Variants in BRAT1 observed in about 807,000 individuals in gnomAD.
BRAT1 encodes the protein integrator complex assembly factor BRAT1.
Under a neutral mutation model 70.6 loss-of-function variants are expected in BRAT1, and 74 were observed. That is an observed-to-expected ratio of 1.05 (90% CI 0.87 to 1.27). BRAT1 has a LOEUF of 1.27. Ranked by LOEUF, BRAT1 falls within the 50% of genes most tolerant of loss-of-function variation. The pLI, the probability that BRAT1 is intolerant of heterozygous loss-of-function variation, is 0.00. For synonymous variants in BRAT1, 615 were observed against 517.1 expected, an observed-to-expected ratio of 1.19 and a Z score of -2.57; for missense variants, 1,203 against 1,098.2, an observed-to-expected ratio of 1.10 and a Z score of -1.35.
intron 2 of BRAT1, among the ~76,000 whole-genome samples, chr7:2,553,135 C>T (rs1479251514): frequency 1.3e-5 from 2 of 152,028 alleles, no homozygotes; most frequent in Admixed American, 6.6e-5. Flanking sequence ...TGGGTTCAAG[C>T]GATCCTCCCC....
At position 2,543,622 on chromosome 7, in the gene BRAT1, G is replaced by C; in HGVS notation, c.771C>G (p.His257Gln). 1 of 1,531,108 alleles carries C rather than the reference G, an allele frequency of 6.5e-7. No homozygotes were observed. The highest frequency in any genetic ancestry group is 8.8e-7 in the Non-Finnish European group (1 of 1,135,066). 94.8% of individuals were successfully genotyped at this position (1,531,108 alleles called of 1,614,324 possible). ...LLERDPIPAA[H>Q]SFVDLLLCVA... is the part of the protein sequence containing the mutation. ...CACAGAGAAGCAGGTCCACGAACGA[G>C]TGTGCGGCGGGGATGGGGTCTCTCT... The change falls in exon 5 of 14, where the codon CAC becomes CAG. Residue 257 changes from histidine to glutamine, a missense_variant. Physicochemically the swap from His to Gln is conservative, Grantham distance 24. Coordinates refer to ENST00000340611, the MANE Select transcript of BRAT1 (RefSeq NM_152743.4). The surrounding 1 kb of genome is among the most constrained non-coding windows in gnomAD (Gnocchi z 5.5).
Position 2,538,681 on chromosome 7 carries a change from C to T in BRAT1, c.1854G>A (p.Glu618=). 1 of 1,598,438 alleles carries T rather than the reference C, an allele frequency of 6.3e-7. No homozygotes were observed. Among genetic ancestry groups the T allele is most frequent in the Non-Finnish European group, 8.5e-7 (1 of 1,179,812 alleles). Residue 618 remains glutamate (E), a synonymous_variant, in exon 14 of 14, where the codon GAG becomes GAA. Transcript: ENST00000340611. The part of the protein sequence containing the change: ...PRRAVMQVFT[E]WLRDGHADAA... Reference sequence around the variant, plus strand: ...CGTCGGCGTGGCCGTCCCGCAGCCACTCAGTGAAGACTTGCATGACCGCCC... The same window carrying T: ...CGTCGGCGTGGCCGTCCCGCAGCCATTCAGTGAAGACTTGCATGACCGCCC...
intron 2 of BRAT1, among the ~76,000 whole-genome samples, chr7:2,552,517 G>A (rs1027304533): frequency 6.6e-6 from 1 of 151,260 alleles, no homozygotes; most frequent in East Asian, 1.9e-4. Context: ...CCTGAGCCCA[G>A]GAGATCGAAA....
chr7:2,544,844 T>C lies in BRAT1; in HGVS notation c.430+65A>G, dbSNP rs898587923. On this transcript the variant is annotated intron_variant, in intron 4 of 13. Transcript: ENST00000340611. ...GACCAGACACTCAGATTCAGCAAGG[T>C]GCAGTGAATTCCCTGGGATCACACA... 50 of 1,532,234 alleles carry C rather than the reference T, an allele frequency of 3.3e-5. No homozygotes were observed. In the African/African-American group the frequency reaches 6.6e-4, roughly 20 times the overall value. 94.9% of individuals were successfully genotyped at this position (1,532,234 alleles called of 1,614,324 possible). A position where few individuals can be genotyped will look rare whatever the true frequency, so the allele number is the denominator to read the frequency against.
chr7:2,541,089 C>G, intron 9 of BRAT1, 37 bp from the exon 10 acceptor site: 1 of 1,507,226 alleles, frequency 6.6e-7, no homozygotes, highest in Non-Finnish European at 8.8e-7. Context: ...ACCCCCACCC[C>G]CACCCTAGGA....
rs769026566 is a variant in BRAT1, at chr7:2,538,702, C to T, written c.1833G>A (p.Ala611=). The T allele has an allele frequency of 2.9e-5, 47 of 1,598,236 alleles. No homozygotes were observed. Among genetic ancestry groups the T allele is most frequent in the Non-Finnish European group, 3.5e-5 (41 of 1,179,842 alleles). ...GCCACTCAGTGAAGACTTGCATGACCGCCCGCCGTGGGAAGCCCTCCGAGT... is the reference window on the plus strand; with the variant it reads ...GCCACTCAGTGAAGACTTGCATGACTGCCCGCCGTGGGAAGCCCTCCGAGT... ...SVDSEGFPRR[A]VMQVFTEWLR... is the part of the protein sequence containing the mutation. The change falls in exon 14 of 14, where the codon GCG becomes GCA. Residue 611 remains alanine (A), a synonymous_variant. Coordinates refer to ENST00000340611, the MANE Select transcript of BRAT1 (RefSeq NM_152743.4).
intron 2 of BRAT1, 114 bp from the exon 3 acceptor site, chr7:2,547,592 T>C (rs1334345617): frequency 8.5e-7 from 1 of 1,172,212 alleles, no homozygotes; most frequent in African/African-American, 1.6e-5. Flanking sequence ...GTGTTAGATT[T>C]AGGGATCCAA....
chr7:2,539,056 A>G (rs73287531), intron 13 of BRAT1, 123 bp downstream of exon 13: 18 of 1,459,152 alleles, frequency 1.2e-5, no homozygotes, highest in African/African-American at 5.7e-5. Flanking sequence ...TCACTGCTGC[A>G]GGCGCTGCCC....
At chr7:2,548,629 G>A (rs972887966) in intron 2 of BRAT1, among the ~76,000 whole-genome samples, 9 of 151,426 alleles carry the variant, frequency 5.9e-5, no homozygotes, top group Admixed American at 2.0e-4. Flanking sequence ...CTGCACCACT[G>A]TACTCCAGCC....
chr7:2,538,953 T>C, intron 13 of BRAT1, 189 bp from the exon 14 acceptor site: 3 of 1,448,810 alleles, frequency 2.1e-6, no homozygotes, highest in Non-Finnish European at 1.8e-6. Flanking sequence ...ATCTGTCAAA[T>C]GGAGGTAACC....
rs1219261961 is a variant in BRAT1, at chr7:2,538,437, G to A, written c.2098C>T (p.Leu700Phe). ...AAGGCACAAAAGGCGAAGTCAAAGA[G>A]CCCCACGTGGCAGAGAGCCCTCAGT... Reference protein sequence around the residue: ...EALRALCHVGLFDFAFCALFD... With the variant: ...EALRALCHVGFFDFAFCALFD... The change falls in exon 14 of 14, where the codon CTC becomes TTC. Residue 700 changes from leucine (L) to phenylalanine (F), a missense_variant. Physicochemically the swap from Leu to Phe is conservative, Grantham distance 22. Transcript: ENST00000340611. 2 of 1,613,286 alleles carry A rather than the reference G, an allele frequency of 1.2e-6. No individual in the cohort carries two copies. Among genetic ancestry groups the A allele is most frequent in the Non-Finnish European group, 1.7e-6 (2 of 1,179,956 alleles).
chr7:2,543,643 T>G lies in BRAT1; in HGVS notation c.750A>C (p.Arg250Ser), dbSNP rs764775903. Residue 250 changes from arginine to serine, a missense_variant, in exon 5 of 14, where the codon AGA (arginine) becomes AGC (serine). Transcript: ENST00000340611. The surrounding 1 kb of genome is among the most constrained non-coding windows in gnomAD (Gnocchi z 5.5). ...LSPRVACLLE[R>S]DPIPAAHSFV... The stretch of plus-strand genomic sequence containing the variant: ...ACGAGTGTGCGGCGGGGATGGGGTC[T>G]CTCTCCAGCAGACAGGCCACGCGGG... 1.4e-5 allele frequency: 22 copies of G among 1,541,504 alleles called. No homozygotes were observed. In the East Asian group the frequency reaches 4.8e-4, roughly 34 times the overall value.
In BRAT1 at chr7:2,545,008, GGCC is replaced by G; in HGVS notation, c.328_330del (p.Gly110del). The G allele has an allele frequency of 6.5e-7, 1 of 1,547,836 alleles. No homozygotes were observed. The highest frequency in any genetic ancestry group is 2.4e-5 in the East Asian group (1 of 42,496). The stretch of plus-strand genomic sequence containing the variant: ...ACGGTGGGGACGGCCCAGGTTGCTC[GGCC>G]GAGGGGTCCTGGCTCCCCAAAGAGC... On this transcript the variant is annotated inframe_deletion, in exon 4 of 14. Coordinates refer to ENST00000340611, the MANE Select transcript of BRAT1 (RefSeq NM_152743.4).
intron 7 of BRAT1, 108 bp downstream of exon 7, chr7:2,542,012 G>T: frequency 8.2e-7 from 1 of 1,222,000 alleles, no homozygotes; most frequent in Non-Finnish European, 1.1e-6. Flanking sequence ...AGGCCTGGGT[G>T]TGATTAAAGT....
At chr7:2,552,084 A>ATATATAT (rs1201301165) in intron 2 of BRAT1, among the ~76,000 whole-genome samples, 1 of 15,838 alleles carries the variant, frequency 6.3e-5, no homozygotes, top group Non-Finnish European at 1.0e-4. Context: ...AGTCTTAAAT[A>ATATATAT]TATATATATA....
rs564013530 is a variant in BRAT1, at chr7:2,538,716, A to T, written c.1819T>A (p.Phe607Ile). ...LHILSVDSEG[F>I]PRRAVMQVFT... ...ACTTGCATGACCGCCCGCCGTGGGA[A>T]GCCCTCCGAGTCTACGGAGAGGATG... Residue 607 changes from phenylalanine (F) to isoleucine (I), a missense_variant, in exon 14 of 14, where the codon TTC (phenylalanine) becomes ATC (isoleucine). Coordinates refer to ENST00000340611, the MANE Select transcript of BRAT1 (RefSeq NM_152743.4). 6.9e-6 allele frequency: 11 copies of T among 1,598,422 alleles called. No individual in the cohort carries two copies. In the Admixed American group the frequency reaches 1.5e-4, roughly 22 times the overall value.
Position 2,538,543 on chromosome 7 carries a change from C to G in BRAT1, c.1992G>C (p.Gln664His), listed in dbSNP as rs938813337. The change falls in exon 14 of 14, where the codon CAG becomes CAC. Residue 664 changes from glutamine (Q) to histidine (H), a missense_variant. Transcript: ENST00000340611. Reference protein sequence around the residue: ...GLELALVFLGQTLGPPRTHCP... With the variant: ...GLELALVFLGHTLGPPRTHCP... Reference sequence around the variant, plus strand: ...AGTGGGTACGCGGCGGCCCCAAAGTCTGGCCCAGGAACACGAGGGCCAGCT... The same window carrying G: ...AGTGGGTACGCGGCGGCCCCAAAGTGTGGCCCAGGAACACGAGGGCCAGCT... 2 of 1,603,266 alleles carry G rather than the reference C, an allele frequency of 1.2e-6. No individual in the cohort carries two copies. The highest frequency in any genetic ancestry group is 2.7e-5 in the African/African-American group (2 of 74,884).
chr7:2,554,589 G>A (rs1054580453), intron 1 of BRAT1, 142 bp from the exon 2 acceptor site: 3 of 1,083,318 alleles, frequency 2.8e-6, no homozygotes, highest in African/African-American at 3.2e-5. Context: ...ATGATCCCCA[G>A]ACCAGAGGTC....
intron 2 of BRAT1, among the ~76,000 whole-genome samples, chr7:2,550,529 G>A (rs1310811400): frequency 4.4e-5 from 5 of 114,566 alleles, no homozygotes; most frequent in Admixed American, 8.4e-5. Flanking sequence ...AATATGTAAA[G>A]CGAAAAAAAA....
Sources: allele counts gnomAD v4.1 joint callset (sites outside exome capture counted in the v4.1 genomes callset), GRCh38; gene constraint gnomAD v4.1.1; non-coding constraint Gnocchi (gnomAD v3.1); transcripts MANE v1.5; gene names NCBI Gene and HGNC (gene_info 2026-07-23, HGNC 2026-07-21).